The following ZNF695 variants were observed in gnomAD, a reference collection of about 807,000 sequenced individuals.
ZNF695 encodes the protein zinc finger protein SBZF3.
In ZNF695, 11 loss-of-function variants were observed where a neutral mutation model predicts 11.2. That is an observed-to-expected ratio of 0.98 (90% confidence interval 0.62 to 1.62). ZNF695 has a LOEUF of 1.62. Ranked by LOEUF, ZNF695 falls within the 40% of genes most tolerant of loss-of-function variation. The pLI, the probability that ZNF695 is intolerant of heterozygous loss-of-function variation, is 0.00. For missense variants in ZNF695, 559 were observed against 590.5 expected (o/e 0.95, Z 0.55); for synonymous variants, 190 against 201.4 (o/e 0.94, Z 0.48).
At chr1:246,982,738 C>T (rs1025000418), downstream of ZNF695, among the ~76,000 whole-genome samples, 4 of 151,718 alleles carry the variant, frequency 2.6e-5, no homozygotes, top group Non-Finnish European at 5.9e-5. Context: ...TTTGGGAGGC[C>T]GAGGCGGGCA....
rs201818300 is a variant in ZNF695 at position 246,987,071 on chromosome 1, G to C, written c.1444C>G (p.His482Asp). Residue 482 changes from histidine to aspartate, a missense_variant, in exon 4 of 4, where the codon CAT becomes GAT. Coordinates refer to ENST00000339986, the MANE Select transcript of ZNF695 (RefSeq NM_020394.5). ...AFGQSSHLSKHKTIHTREKPY... is the reference protein window; with the variant it reads ...AFGQSSHLSKDKTIHTREKPY... ...TTCTCTCTGGTATGAATTGTCTTAT[G>C]TTTAGAAAGGTGTGAGCTCTGGCCA... The C allele has an allele frequency of 5.6e-6, 9 of 1,613,908 alleles. No homozygotes were observed. The highest frequency in any genetic ancestry group is 7.6e-6 in the Non-Finnish European group (9 of 1,179,984).
intron 3 of ZNF695, among the ~76,000 whole-genome samples, chr1:246,997,132 G>GT (rs11408558): frequency 0.9 from 137,564 of 152,084 alleles, 62,313 homozygotes; most frequent in East Asian, 0.99. Context: ...AGAGGCCGAG[G>GT]GGAAGGATTG....
chr1:247,001,355 A>C (rs576203111), intron 1 of ZNF695, among the ~76,000 whole-genome samples: 1 of 152,114 alleles, frequency 6.6e-6, no homozygotes, highest in African/African-American at 2.4e-5. Flanking sequence ...TGAACCTAGG[A>C]TTTCAAGACC....
chr1:246,967,465 G>A (rs1401939707), intron 5 of ZNF695: 2 of 456,328 alleles, frequency 4.4e-6, no homozygotes, highest in Non-Finnish European at 8.8e-6. Context: ...GGCATGAATG[G>A]GGGATAAAAG....
intron 4 of ZNF695, among the ~76,000 whole-genome samples, chr1:246,979,427 A>T: frequency 6.6e-6 from 1 of 152,192 alleles, no homozygotes; most frequent in African/African-American, 2.4e-5. Context: ...TAGTTAGAAG[A>T]ATCTCACCCA....
chr1:246,964,601 T>C (rs1314055760), intron 5 of ZNF695, among the ~76,000 whole-genome samples: 1 of 152,254 alleles, frequency 6.6e-6, no homozygotes, highest in Admixed American at 6.5e-5. Context: ...CTGGGCCCAG[T>C]GGCCCATGCC....
intron 1 of ZNF695, 117 bp downstream of exon 1, chr1:247,007,789 C>A: frequency 8.0e-7 from 1 of 1,244,896 alleles, no homozygotes; most frequent in Non-Finnish European, 1.1e-6. Context: ...GACTCGGCCG[C>A]ACACTCCGGA....
At chr1:246,967,449 C>T in intron 5 of ZNF695, 1 of 456,304 alleles carries the variant, frequency 2.2e-6, no homozygotes, top group Non-Finnish European at 4.4e-6. Flanking sequence ...GATAGGATCT[C>T]CTAATGGCAT....
intron 4 of ZNF695, among the ~76,000 whole-genome samples, chr1:246,972,425 G>T (rs1394301938): frequency 6.6e-6 from 1 of 152,108 alleles, no homozygotes; most frequent in East Asian, 1.9e-4. Flanking sequence ...AGTCTCTCTG[G>T]ATCATCACCT....
At position 246,952,487 on chromosome 1, in the gene ZNF695, G is replaced by T. The variant is rs1254122922; in HGVS notation, c.489-6660C>A. ...AGTTCATATCTCCAGCACATATTAG[G>T]TATTCAATGAATATTTGTTGAATGA... On this transcript the variant is annotated intron_variant, in intron 5 of 5. Transcript: ENST00000487338. 2.0e-5 allele frequency among the ~76,000 whole-genome samples: 3 copies of T among 151,630 alleles called. No individual in the cohort carries two copies. In the East Asian group the frequency reaches 5.8e-4, roughly 29 times the overall value.
chr1:246,967,472 A>C, intron 5 of ZNF695: 1 of 456,374 alleles, frequency 2.2e-6, no homozygotes, highest in Non-Finnish European at 4.4e-6. Flanking sequence ...ATGGGGGATA[A>C]AAGAGAAAAA....
chr1:246,996,345 C>A (rs550078932), intron 3 of ZNF695, among the ~76,000 whole-genome samples: 15 of 152,262 alleles, frequency 9.9e-5, no homozygotes, highest in African/African-American at 3.1e-4. Flanking sequence ...CAGAGTGAGA[C>A]TCCTCGCAAC....
At chr1:246,965,878 T>A (rs1373842337) in intron 5 of ZNF695, among the ~76,000 whole-genome samples, 4 of 151,976 alleles carry the variant, frequency 2.6e-5, no homozygotes, top group Non-Finnish European at 5.9e-5. Flanking sequence ...CCTTTTTGTT[T>A]ATATACCTTG....
intron 1 of ZNF695, among the ~76,000 whole-genome samples, chr1:247,000,732 G>C (rs1669354542): frequency 6.6e-6 from 1 of 152,100 alleles, no homozygotes; most frequent in African/African-American, 2.4e-5. Context: ...TGAGTTAGAA[G>C]GTACTTCTCA....
chr1:246,952,565 G>A (rs78731086), intron 5 of ZNF695, among the ~76,000 whole-genome samples: 1 of 103,524 alleles, frequency 9.7e-6, no homozygotes. Flanking sequence ...TTTTTTTTTT[G>A]AGGCAGGGTC....
intron 4 of ZNF695, among the ~76,000 whole-genome samples, chr1:246,976,427 T>G (rs1485477287): frequency 6.6e-6 from 1 of 152,210 alleles, no homozygotes; most frequent in Non-Finnish European, 1.5e-5. Context: ...TTCAAAGACA[T>G]AAGACATTCT....
At chr1:246,979,895 G>A (rs1035165416) in intron 4 of ZNF695, 2 of 152,552 alleles carry the variant, frequency 1.3e-5, no homozygotes, top group African/African-American at 4.8e-5. Context: ...TGCTGGCCGG[G>A]TGCAGTGGCT....
intron 4 of ZNF695, among the ~76,000 whole-genome samples, chr1:246,972,218 G>C (rs1485093142): frequency 6.6e-6 from 1 of 152,158 alleles, no homozygotes; most frequent in Non-Finnish European, 1.5e-5. Flanking sequence ...AGGCCTCCTA[G>C]GTCACCTGGT....
intron 1 of ZNF695, among the ~76,000 whole-genome samples, chr1:247,003,737 C>G (rs1173539551): frequency 6.6e-6 from 1 of 152,122 alleles, no homozygotes; most frequent in Non-Finnish European, 1.5e-5. Flanking sequence ...AGATGTAATG[C>G]TAAGACATTT....
Sources: gnomAD v4.1 joint callset for allele counts (sites outside exome capture counted in the v4.1 genomes callset) on GRCh38, gnomAD v4.1.1 for gene constraint, MANE v1.5 for transcripts, NCBI Gene and HGNC (gene_info 2026-07-23, HGNC 2026-07-21) for gene names.